Variants in ABCD3 observed in about 807,000 individuals in gnomAD.
ABCD3 encodes the protein ATP-binding cassette sub-family D member 3.
In ABCD3, 41 loss-of-function variants were observed where a neutral mutation model predicts 105.5. The observed-to-expected ratio is 0.39, with a 90% CI of 0.30 to 0.50. ABCD3 has a LOEUF of 0.50. ABCD3 is among the 20% of genes least tolerant of loss of function. ABCD3 has a pLI of 0.84. For synonymous variants in ABCD3, 258 were observed against 269.0 expected (o/e 0.96, Z 0.40); for missense variants, 622 against 806.3 (o/e 0.77, Z 2.77).
chr1:94,476,144 T>C (rs1648728417), intron 7 of ABCD3, among the ~76,000 whole-genome samples: 1 of 152,218 alleles, frequency 6.6e-6, no homozygotes, highest in Non-Finnish European at 1.5e-5. Context: ...GTATCTTTAA[T>C]TCTAATAGAT....
At chr1:94,506,993 A>G (rs1650391438) in intron 21 of ABCD3, among the ~76,000 whole-genome samples, 1 of 151,372 alleles carries the variant, frequency 6.6e-6, no homozygotes, top group Non-Finnish European at 1.5e-5. Flanking sequence ...TTATTTTTTA[A>G]TTTATTATTA....
At chr1:94,433,446 G>A (rs151001641) in intron 1 of ABCD3, among the ~76,000 whole-genome samples, 197 of 150,548 alleles carry the variant, frequency 1.3e-3, no homozygotes, top group African/African-American at 2.3e-3. Context: ...GAGCCACCAC[G>A]CCCGGCCCGG....
intron 21 of ABCD3, among the ~76,000 whole-genome samples, chr1:94,508,770 C>G (rs974909895): frequency 3.3e-5 from 5 of 152,208 alleles, no homozygotes; most frequent in African/African-American, 9.6e-5. Flanking sequence ...AATGGGAGTT[C>G]ACTCGTGATT....
chr1:94,392,357 A>G, the ABCD3 span, among the ~76,000 whole-genome samples: 6 of 152,214 alleles, frequency 3.9e-5, no homozygotes, highest in Admixed American at 6.5e-5. Flanking sequence ...TTGTGTGAGG[A>G]TCATGCAGAA....
Position 94,418,408 on chromosome 1 carries a change from C to T in ABCD3, c.-71C>T, listed in dbSNP as rs1419620056. 3.1e-6 allele frequency: 4 copies of T among 1,310,760 alleles called. No individual in the cohort carries two copies. Among genetic ancestry groups the T allele is most frequent in the East Asian group, 2.5e-5 (1 of 39,800 alleles). The allele number at this position is 1,310,760 out of a possible 1,614,324, so 81.2% of individuals were successfully genotyped here. Reference sequence around the variant, plus strand: ...TCTCCTCCCAGTCTCCCCCGCGCTGCGTGCAGTAAGGTAGCCGCCGCCGCC... The same window carrying T: ...TCTCCTCCCAGTCTCCCCCGCGCTGTGTGCAGTAAGGTAGCCGCCGCCGCC... On this transcript the variant is annotated 5_prime_UTR_variant, in exon 1 of 23. Coordinates refer to ENST00000370214, the MANE Select transcript of ABCD3 (RefSeq NM_002858.4).
Position 94,515,092 on chromosome 1 carries a change from G to A in ABCD3, c.1846-54G>A, listed in dbSNP as rs929877721. The A allele has an allele frequency of 6.5e-6, 9 of 1,386,928 alleles. No individual in the cohort carries two copies. In the African/African-American group the frequency reaches 1.0e-4, roughly 15 times the overall value. 85.9% of individuals were successfully genotyped at this position (1,386,928 alleles called of 1,614,324 possible). ...TTAACAGCTTAAAGTACATGGACTAGTTTAATTTGTGACTCTGTTACTCAT... is the reference window on the plus strand; with the variant it reads ...TTAACAGCTTAAAGTACATGGACTAATTTAATTTGTGACTCTGTTACTCAT... On this transcript the variant is annotated intron_variant, in intron 21 of 22. Coordinates refer to ENST00000370214, the MANE Select transcript of ABCD3 (RefSeq NM_002858.4).
the ABCD3 span, among the ~76,000 whole-genome samples, chr1:94,389,300 G>A: frequency 1.3e-5 from 2 of 152,142 alleles, no homozygotes; most frequent in East Asian, 3.8e-4. Context: ...CCCAAAACTG[G>A]CCATAAACAA....
intron 1 of ABCD3, among the ~76,000 whole-genome samples, chr1:94,450,114 A>C (rs1031172313): frequency 6.6e-6 from 1 of 152,236 alleles, no homozygotes; most frequent in African/African-American, 2.4e-5. Flanking sequence ...ACAGATTAGC[A>C]GCTAGTAACC....
At chr1:94,402,476 T>A in the ABCD3 span, among the ~76,000 whole-genome samples, 6 of 152,332 alleles carry the variant, frequency 3.9e-5, 1 homozygote, top group South Asian at 2.1e-4. Flanking sequence ...GAAGGCTCTT[T>A]ACTCCTAAGA....
At chr1:94,464,210 A>G (rs555109515) in intron 2 of ABCD3, among the ~76,000 whole-genome samples, 17 of 152,222 alleles carry the variant, frequency 1.1e-4, no homozygotes, top group African/African-American at 3.9e-4. Context: ...CTGTCTTTGA[A>G]TTTTATGAGG....
At chr1:94,492,586 A>C (rs1332414727) in intron 16 of ABCD3, among the ~76,000 whole-genome samples, 4 of 152,204 alleles carry the variant, frequency 2.6e-5, no homozygotes, top group African/African-American at 9.6e-5. Context: ...ACATAGCTCC[A>C]GGTACTTCAG....
At chr1:94,421,590 G>GTGTGTGTA (rs1659261263) in intron 1 of ABCD3, among the ~76,000 whole-genome samples, 1 of 151,582 alleles carries the variant, frequency 6.6e-6, no homozygotes, top group African/African-American at 2.4e-5. Flanking sequence ...GTGTGTGTGT[G>GTGTGTGTA]TATTACAAAA....
intron 1 of ABCD3, among the ~76,000 whole-genome samples, chr1:94,428,762 CT>C (rs371061462): frequency 2.7e-4 from 40 of 148,606 alleles, no homozygotes; most frequent in African/African-American, 8.9e-4. Context: ...CCAATTGAAC[CT>C]TTTTTTTTTG....
intron 8 of ABCD3, 115 bp from the exon 9 acceptor site, chr1:94,480,349 G>A: frequency 1.1e-5 from 15 of 1,328,326 alleles, no homozygotes; most frequent in Non-Finnish European, 1.4e-5. Context: ...TTACCCAGTA[G>A]GGCAATTTCT....
intron 10 of ABCD3, among the ~76,000 whole-genome samples, chr1:94,483,517 A>G (rs113399310): frequency 3.3e-5 from 5 of 152,202 alleles, no homozygotes; most frequent in African/African-American, 1.2e-4. Flanking sequence ...ATCTTTGACA[A>G]ACCTGACAAA....
At chr1:94,419,275 A>G (rs1659158631) in intron 1 of ABCD3, 1 of 985,184 alleles carries the variant, frequency 1.0e-6, no homozygotes, top group African/African-American at 1.7e-5. Flanking sequence ...TTAGAGGGAA[A>G]TGTTTTCCTT....
intron 1 of ABCD3, among the ~76,000 whole-genome samples, chr1:94,442,238 T>C (rs181757006): frequency 1.2e-4 from 19 of 152,328 alleles, no homozygotes; most frequent in African/African-American, 4.6e-4. Flanking sequence ...TTAAAAATAC[T>C]GTGCAATTGC....
rs1217483969 is a variant in ABCD3, at chr1:94,499,032, C to A, written c.1618C>A (p.Leu540Ile). 6.2e-7 allele frequency: 1 copy of A among 1,610,106 alleles called. No individual in the cohort carries two copies. The highest frequency in any genetic ancestry group is 1.1e-5 in the South Asian group (1 of 90,996). Reference sequence around the variant, plus strand: ...TCAGAAAAGGAAGGGAATTTCTGACCTAGTAAGGGAATGTTTATATCCTAG... The same window carrying A: ...TCAGAAAAGGAAGGGAATTTCTGACATAGTAAGGGAATGTTTATATCCTAG... ...EDQKRKGISDLVLKEYLDNVQ... is the reference protein window; with the variant it reads ...EDQKRKGISDIVLKEYLDNVQ... Residue 540 changes from leucine to isoleucine, a missense_variant and splice_region_variant, in exon 19 of 23, where the codon CTA becomes ATA. By Grantham distance (5) the Leu-to-Ile change is conservative (BLOSUM62 2). Coordinates refer to ENST00000370214, the MANE Select transcript of ABCD3 (RefSeq NM_002858.4).
At chr1:94,474,769 G>A (rs755835562) in intron 5 of ABCD3, among the ~76,000 whole-genome samples, 3 of 150,536 alleles carry the variant, frequency 2.0e-5, no homozygotes, top group African/African-American at 4.9e-5. Context: ...ATAGAATTCC[G>A]TTGTCTAGGG....
Sources: allele counts gnomAD v4.1 joint callset (sites outside exome capture counted in the v4.1 genomes callset), GRCh38; gene constraint gnomAD v4.1.1; transcripts MANE v1.5; gene names NCBI Gene and HGNC (gene_info 2026-07-23, HGNC 2026-07-21).